The following PCDHA2 variants were observed in gnomAD, a reference collection of about 807,000 sequenced individuals.
PCDHA2 encodes protocadherin alpha-2.
A neutral mutation model predicts 66.0 loss-of-function variants in PCDHA2; 58 were observed. That is an observed-to-expected ratio of 0.88 (90% CI 0.71 to 1.09). PCDHA2 has a LOEUF of 1.09. Ranked by LOEUF, PCDHA2 falls within the 50% of genes least tolerant of loss-of-function variation. The pLI is 0.00. For missense variants in PCDHA2, 1,267 were observed against 1,242.3 expected (o/e 1.02, Z -0.30); for synonymous variants, 634 against 554.0 (o/e 1.14, Z -2.03).
chr5:140,886,498 C>T (rs1415505049), intron 1 of PCDHA2, among the ~76,000 whole-genome samples: 1 of 151,920 alleles, frequency 6.6e-6, no homozygotes, highest in African/African-American at 2.4e-5. Context: ...ATATCTTTTT[C>T]CTTTTATGGA....
chr5:140,853,011 T>C, intron 1 of PCDHA2: 1 of 283,070 alleles, frequency 3.5e-6, no homozygotes, highest in African/African-American at 2.3e-5. Context: ...CCCGAGTAGC[T>C]GGGACTACAG....
chr5:140,921,267 A>G (rs1371688460), intron 1 of PCDHA2, among the ~76,000 whole-genome samples: 2 of 152,168 alleles, frequency 1.3e-5, no homozygotes, highest in Non-Finnish European at 2.9e-5. Flanking sequence ...AGACTTTTAT[A>G]CTTACTTGAA....
intron 1 of PCDHA2, chr5:140,882,841 A>G: frequency 6.2e-7 from 1 of 1,614,232 alleles, no homozygotes; most frequent in East Asian, 2.2e-5. Flanking sequence ...AAATGTCTTC[A>G]TTATCACTTG....
chr5:140,809,548 G>C (rs782016802), intron 1 of PCDHA2: 2 of 1,612,158 alleles, frequency 1.2e-6, no homozygotes, highest in Non-Finnish European at 1.7e-6. Context: ...ATCAGCTGCA[G>C]ACAACTGAGG....
At chr5:140,976,578 A>C (rs997881753) in intron 1 of PCDHA2, among the ~76,000 whole-genome samples, 1 of 152,204 alleles carries the variant, frequency 6.6e-6, no homozygotes, top group Admixed American at 6.5e-5. Context: ...TATAAATAAA[A>C]CACAGACTTT....
chr5:140,875,381 A>G, intron 1 of PCDHA2: 7 of 1,461,296 alleles, frequency 4.8e-6, no homozygotes, highest in Non-Finnish European at 6.3e-6. Flanking sequence ...CTAAATATGT[A>G]CTTACAGAAA....
intron 1 of PCDHA2, chr5:140,968,895 T>G: frequency 6.2e-7 from 1 of 1,614,218 alleles, no homozygotes; most frequent in Non-Finnish European, 8.5e-7. Context: ...TATCTAATAA[T>G]AGCATTAAGC....
intron 1 of PCDHA2, among the ~76,000 whole-genome samples, chr5:140,919,556 A>G (rs980403400): frequency 5.9e-5 from 9 of 152,186 alleles, no homozygotes; most frequent in African/African-American, 2.2e-4. Context: ...ACTGATTTAT[A>G]TTAAGTGAAT....
At chr5:140,901,716 G>A (rs555901106) in intron 1 of PCDHA2, among the ~76,000 whole-genome samples, 1 of 152,176 alleles carries the variant, frequency 6.6e-6, no homozygotes, top group South Asian at 2.1e-4. Flanking sequence ...TTTTCAGATT[G>A]TCTTTTCTAT....
At chr5:140,830,287 C>A in intron 1 of PCDHA2, 1 of 1,613,846 alleles carries the variant, frequency 6.2e-7, no homozygotes. Context: ...AGGGCGCGTG[C>A]ACGGCGGACA....
chr5:140,851,004 AT>A (rs17844337), intron 1 of PCDHA2: 9 of 1,435,010 alleles, frequency 6.3e-6, no homozygotes, highest in Admixed American at 2.7e-5. Context: ...AATCCAGCAG[AT>A]TTTTTTTCTG....
At chr5:140,986,861 C>T (rs1007036038) in intron 3 of PCDHA2, among the ~76,000 whole-genome samples, 12 of 152,086 alleles carry the variant, frequency 7.9e-5, no homozygotes, top group Non-Finnish European at 1.0e-4. Flanking sequence ...CAACAATACC[C>T]GGAAACTTGT....
chr5:140,918,621 T>C (rs1162983414), intron 1 of PCDHA2, among the ~76,000 whole-genome samples: 1 of 152,228 alleles, frequency 6.6e-6, no homozygotes, highest in Non-Finnish European at 1.5e-5. Flanking sequence ...AATGTTTGTG[T>C]TCCCCAAATT....
intron 1 of PCDHA2, among the ~76,000 whole-genome samples, chr5:140,946,059 G>GA (rs2093880331): frequency 6.6e-6 from 1 of 152,156 alleles, no homozygotes; most frequent in East Asian, 1.9e-4. Flanking sequence ...CAGAATGGGA[G>GA]AAAATATTTG....
chr5:140,857,359 G>T lies in PCDHA2; in HGVS notation c.2388+60007G>T, dbSNP rs200721411. ...GGGGCTCGCCTCCGCTGTGGGCCAC[G>T]GCCAGCGTGTCTGTGGAGGTGGCCG... On this transcript the variant is annotated intron_variant, in intron 1 of 3. Coordinates refer to ENST00000526136, the MANE Select transcript of PCDHA2 (RefSeq NM_018905.3). 3 of 1,598,398 alleles carry T rather than the reference G, an allele frequency of 1.9e-6. No individual in the cohort carries two copies. The South Asian group carries it at 3.3e-5, about 18-fold the overall frequency.
chr5:140,807,203 G>GGAAGCGGCCAGGAATCCCGGC (rs782301855), intron 1 of PCDHA2: 2 of 1,613,738 alleles, frequency 1.2e-6, no homozygotes, highest in South Asian at 2.2e-5. Flanking sequence ...GTTTTCCTGG[G>GGAAGCGGCCAGGAATCCCGGC]GAAGCGGCCA....
chr5:140,824,164 C>T (rs2150132850), intron 1 of PCDHA2: 4 of 1,610,388 alleles, frequency 2.5e-6, no homozygotes, highest in South Asian at 1.1e-5. Flanking sequence ...CTTTCCCTCC[C>T]AATTTTCAAA....
chr5:140,823,462 G>A, intron 1 of PCDHA2: 3 of 1,613,462 alleles, frequency 1.9e-6, no homozygotes, highest in Non-Finnish European at 2.5e-6. Context: ...CAACGCGCCG[G>A]CGCTGCTGGT....
intron 1 of PCDHA2, chr5:140,857,926 C>T (rs1351185942): frequency 1.3e-6 from 2 of 1,597,606 alleles, no homozygotes; most frequent in Non-Finnish European, 1.7e-6. Flanking sequence ...TGGGGCTGTA[C>T]ACGGGCGAGA....
Sources: allele counts gnomAD v4.1 joint callset (sites outside exome capture counted in the v4.1 genomes callset), GRCh38; gene constraint gnomAD v4.1.1; transcripts MANE v1.5; gene names NCBI Gene and HGNC (gene_info 2026-07-23, HGNC 2026-07-21).